The following GRM8 variants were observed in gnomAD, a reference collection of about 807,000 sequenced individuals.
GRM8 encodes the protein glutamate metabotropic receptor 8.
A neutral mutation model predicts 87.2 loss-of-function variants in GRM8; 47 were observed. The ratio of observed to expected loss-of-function variants is 0.54; its 90% confidence interval spans 0.43 to 0.69. The LOEUF (loss-of-function observed/expected upper bound fraction) is 0.69, where lower values mean the gene tolerates loss of function less well. Among genes scored for constraint, GRM8 ranks in the 30% least tolerant of loss-of-function variants. The pLI, the probability that GRM8 is intolerant of heterozygous loss-of-function variation, is 0.00. For synonymous variants in GRM8, 396 were observed against 404.5 expected (o/e 0.98, Z 0.25); for missense variants, 1,019 against 1,139.2 (o/e 0.89, Z 1.52).
chr7:126,582,339 T>C (rs999917256), intron 8 of GRM8, among the ~76,000 whole-genome samples: 8 of 152,158 alleles, frequency 5.3e-5, no homozygotes, highest in African/African-American at 1.9e-4. Context: ...CTTTTAAGTC[T>C]ATGAAAGCTG....
chr7:126,590,282 C>T (rs545336810), intron 8 of GRM8, among the ~76,000 whole-genome samples: 2 of 151,746 alleles, frequency 1.3e-5, no homozygotes, highest in South Asian at 4.2e-4. Context: ...GAAAGAACTT[C>T]AGAGCTCAAA....
At chr7:126,461,244 T>C (rs1431454203) in intron 9 of GRM8, among the ~76,000 whole-genome samples, 1 of 151,532 alleles carries the variant, frequency 6.6e-6, no homozygotes, top group Non-Finnish European at 1.5e-5. Context: ...GTGATGCAGC[T>C]CAGACACAAT....
rs533246056 is a variant in GRM8 at position 127,044,727 on chromosome 7, T to A, written c.727+61769A>T. On this transcript the variant is annotated intron_variant, in intron 3 of 10. Coordinates refer to ENST00000339582, the MANE Select transcript of GRM8 (RefSeq NM_000845.3). ...ATATAATGATTTTGCAGGGAGGTAA[T>A]TAAATGGGACATAACAGCAATTATA... Among the ~76,000 whole-genome samples, 14 of 152,218 alleles carry A rather than the reference T, an allele frequency of 9.2e-5. 1 individual carries two copies. The South Asian group carries it at 2.9e-3, about 32-fold the overall frequency.
At chr7:127,241,609 ATC>A (rs1200189390) in intron 2 of GRM8, among the ~76,000 whole-genome samples, 4 of 151,586 alleles carry the variant, frequency 2.6e-5, no homozygotes, top group African/African-American at 4.9e-5. Flanking sequence ...AATTTTTTGT[ATC>A]TTTTTAGTAG....
chr7:127,018,030 T>C (rs962770180), intron 3 of GRM8, among the ~76,000 whole-genome samples: 2 of 152,056 alleles, frequency 1.3e-5, no homozygotes, highest in African/African-American at 2.4e-5. Context: ...AATATACAGA[T>C]TCAAAGTAAA....
chr7:127,193,664 A>G (rs1424692482), intron 2 of GRM8, among the ~76,000 whole-genome samples: 6 of 152,164 alleles, frequency 3.9e-5, no homozygotes, highest in African/African-American at 1.4e-4. Context: ...AACGGTAGCT[A>G]TGGAACATAT....
At chr7:126,998,253 G>T (rs1030834886) in intron 3 of GRM8, among the ~76,000 whole-genome samples, 5 of 151,812 alleles carry the variant, frequency 3.3e-5, no homozygotes, top group Admixed American at 3.3e-4. Context: ...TATATAGAAA[G>T]AACATACCTC....
intron 8 of GRM8, among the ~76,000 whole-genome samples, chr7:126,596,889 T>A (rs1797252860): frequency 6.6e-6 from 1 of 152,164 alleles, no homozygotes; most frequent in Admixed American, 6.5e-5. Context: ...GGAATCTTAA[T>A]TATTTCCTAC....
chr7:127,043,059 A>T (rs911898802), intron 3 of GRM8, among the ~76,000 whole-genome samples: 1 of 152,206 alleles, frequency 6.6e-6, no homozygotes, highest in African/African-American at 2.4e-5. Context: ...TCAAAACCAC[A>T]ATGAGATACC....
intron 6 of GRM8, among the ~76,000 whole-genome samples, chr7:126,832,171 CAAA>C (rs11412862): frequency 2.6e-5 from 2 of 77,622 alleles, no homozygotes; most frequent in Admixed American, 1.5e-4. Context: ...TGCCATCTTC[CAAA>C]AAAAAAAAAA....
chr7:126,745,698 T>C (rs1337325126), intron 7 of GRM8, among the ~76,000 whole-genome samples: 2 of 151,738 alleles, frequency 1.3e-5, no homozygotes, highest in East Asian at 1.9e-4. Flanking sequence ...TTCTTTTCTA[T>C]TCTGTTCCAC....
intron 6 of GRM8, among the ~76,000 whole-genome samples, chr7:126,838,910 G>T (rs537094913): frequency 3.3e-5 from 5 of 152,142 alleles, no homozygotes; most frequent in African/African-American, 1.2e-4. Context: ...TCAGGTGTAC[G>T]CTTTGCCCAT....
chr7:126,568,310 G>T (rs1794415445), intron 8 of GRM8, among the ~76,000 whole-genome samples: 1 of 152,010 alleles, frequency 6.6e-6, no homozygotes, highest in Non-Finnish European at 1.5e-5. Flanking sequence ...TTAACAGAAA[G>T]AAAAATATAT....
chr7:127,181,507 A>G (rs1057100451), intron 2 of GRM8, among the ~76,000 whole-genome samples: 1 of 152,126 alleles, frequency 6.6e-6, no homozygotes, highest in African/African-American at 2.4e-5. Context: ...TAAAATTCAT[A>G]TGGAACCAAA....
At chr7:126,795,291 A>C (rs2151688312) in intron 6 of GRM8, among the ~76,000 whole-genome samples, 2 of 152,252 alleles carry the variant, frequency 1.3e-5, no homozygotes, top group Middle Eastern at 3.4e-3. Context: ...AATCTAGCTC[A>C]GAAGCAAAGT....
At chr7:126,977,440 C>T (rs1811106155) in intron 3 of GRM8, among the ~76,000 whole-genome samples, 1 of 152,132 alleles carries the variant, frequency 6.6e-6, no homozygotes, top group African/African-American at 2.4e-5. Context: ...TACTGCTTGT[C>T]TAAGAAATAT....
chr7:126,834,646 C>T (rs138097090), intron 6 of GRM8, among the ~76,000 whole-genome samples: 51 of 152,238 alleles, frequency 3.4e-4, no homozygotes, highest in African/African-American at 1.2e-3. Flanking sequence ...AGATTAAAAA[C>T]CCTGAATTGA....
intron 9 of GRM8, among the ~76,000 whole-genome samples, chr7:126,454,600 G>A (rs968358999): frequency 1.1e-4 from 17 of 151,238 alleles, no homozygotes; most frequent in Non-Finnish European, 1.6e-4. Context: ...TTTGTATTTC[G>A]AAGGCCTAAC....
chr7:127,172,216 G>T (rs1793842744), intron 2 of GRM8, among the ~76,000 whole-genome samples: 1 of 151,878 alleles, frequency 6.6e-6, no homozygotes, highest in Admixed American at 6.6e-5. Flanking sequence ...TGTTATTCTT[G>T]TGATTATTTA....
Sources: allele counts gnomAD v4.1 joint callset (sites outside exome capture counted in the v4.1 genomes callset), GRCh38; gene constraint gnomAD v4.1.1; transcripts MANE v1.5; gene names NCBI Gene and HGNC (gene_info 2026-07-23, HGNC 2026-07-21).